SYT12: variants seen among roughly 807,000 people sequenced by gnomAD.
SYT12 encodes the protein synaptotagmin-12.
In SYT12, 27 loss-of-function variants were observed where a neutral mutation model predicts 39.5. The ratio of observed to expected loss-of-function variants is 0.68; its 90% CI spans 0.50 to 0.94. The LOEUF is 0.94. Ranked by LOEUF, SYT12 falls within the 40% of genes least tolerant of loss-of-function variation. The probability of loss-of-function intolerance (pLI) is 0.00; values close to 1 mark genes in which losing one functional copy is unlikely to be tolerated. For missense variants in SYT12, 536 were observed against 572.6 expected (o/e 0.94, Z 0.65); for synonymous variants, 233 against 239.7 (o/e 0.97, Z 0.26).
rs765400549 is a variant in SYT12 at position 67,044,664 on chromosome 11, C to T, written c.909C>T (p.Val303=). Residue 303 remains valine (V), a synonymous_variant, in exon 6 of 8, where the codon GTC becomes GTT. Coordinates refer to ENST00000527043, the MANE Select transcript of SYT12 (RefSeq NM_177963.4). ...CCACAGCCGAGCGCCTCACCGTGGT[C>T]GTGGTTAAGGCCAAGAACCTCATCT... ...YLPTAERLTV[V]VVKAKNLIWT... 21 of 1,613,720 alleles carry T rather than the reference C, an allele frequency of 1.3e-5. No individual in the cohort carries two copies. The highest frequency in any genetic ancestry group is 4.4e-5 in the South Asian group (4 of 91,044).
rs1339170451 is a variant in SYT12, at chr11:67,040,173, G to T, written c.591G>T (p.Leu197=). 5 of 1,589,204 alleles carry T rather than the reference G, an allele frequency of 3.1e-6. No individual in the cohort carries two copies. In the African/African-American group the frequency reaches 6.7e-5, roughly 21 times the overall value. The change falls in exon 4 of 8, where the codon CTG becomes CTT. Residue 197 remains leucine, a synonymous_variant. Transcript: ENST00000527043. The part of the protein sequence containing the change: ...FESCFMRVSL[L]PDEQIVGISR... ...CCTGCTTCATGCGCGTCAGCCTGCT[G>T]CCGGACGAGCAGATCGTGGGCATTT...
At position 67,034,748 on chromosome 11, in the gene SYT12, G is replaced by A. The variant is rs771212426; in HGVS notation, c.138G>A (p.Gly46=). The part of the protein sequence containing the change: ...AVSLWKLWTS[G]SFPSPSPFPN... ...GCCTGTGGAAGCTCTGGACGTCGGG[G>A]AGCTTCCCCAGCCCCTCTCCGTTCC... Residue 46 remains glycine (G), a synonymous_variant, in exon 3 of 8, where the codon GGG becomes GGA. Coordinates refer to ENST00000527043, the MANE Select transcript of SYT12 (RefSeq NM_177963.4). 27 of 1,603,326 alleles carry A rather than the reference G, an allele frequency of 1.7e-5. No homozygotes were observed. The South Asian group carries it at 2.6e-4, about 15-fold the overall frequency.
At chr11:67,033,268 C>CT (rs1322604173) in intron 2 of SYT12, among the ~76,000 whole-genome samples, 1 of 152,172 alleles carries the variant, frequency 6.6e-6, no homozygotes, top group Non-Finnish European at 1.5e-5. Context: ...CATATCTCAG[C>CT]TTACATGTCC....
intron 1 of SYT12, chr11:67,027,082 G>A (rs911786650): frequency 1.1e-4 from 17 of 152,204 alleles, no homozygotes; most frequent in African/African-American, 4.1e-4. Context: ...GTCAGAGCTG[G>A]GTGCAGCTGA....
Position 67,039,789 on chromosome 11 carries a change from C to T in SYT12, c.229-22C>T, listed in dbSNP as rs142278770. The stretch of plus-strand genomic sequence containing the variant: ...GCCTATGGCCCCCATGATGCTCCCA[C>T]GTCCCTCTTTCTCACCCCTAGAGAG... On this transcript the variant is annotated intron_variant, in intron 3 of 7. Transcript: ENST00000527043. 1.5e-4 allele frequency: 240 copies of T among 1,586,874 alleles called. 3 individuals are homozygous for T. The African/African-American group carries it at 2.7e-3, about 18-fold the overall frequency.
intron 1 of SYT12, among the ~76,000 whole-genome samples, chr11:67,024,825 C>T (rs1223392585): frequency 1.3e-5 from 2 of 152,292 alleles, no homozygotes; most frequent in East Asian, 3.9e-4. Flanking sequence ...GGCCCAACTC[C>T]CGACCCTTCC....
In SYT12 at chr11:67,012,954, G is replaced by T. The variant is rs891085454; in HGVS notation, c.-69+1960G>T. Among the ~76,000 whole-genome samples, 19 of 152,146 alleles carry T rather than the reference G, an allele frequency of 1.2e-4. No individual in the cohort carries two copies. The East Asian group carries it at 1.5e-3, about 12-fold the overall frequency. Reference sequence around the variant, plus strand: ...AAGAGAGAAGGCTTTTGAAACCTGGGGGGGGTCATCCTTTCCTTTGGGAGG... The same window carrying T: ...AAGAGAGAAGGCTTTTGAAACCTGGTGGGGGTCATCCTTTCCTTTGGGAGG... On this transcript the variant is annotated intron_variant, in intron 3 of 10. Transcript: ENST00000393946.
intron 7 of SYT12, among the ~76,000 whole-genome samples, chr11:67,048,033 C>T (rs1288198316): frequency 4.0e-5 from 6 of 149,156 alleles, no homozygotes; most frequent in African/African-American, 1.2e-4. Context: ...CCTCATGATC[C>T]GCCCGCCTCG....
chr11:67,032,651 C>A (rs1310033373), intron 2 of SYT12: 1 of 152,434 alleles, frequency 6.6e-6, no homozygotes, highest in Non-Finnish European at 1.5e-5. Context: ...CGCCTGTAAT[C>A]CCAGCACTTT....
In SYT12 at chr11:67,035,837, CCTTT is replaced by C. The variant is rs1157424282; in HGVS notation, c.228+1041_228+1044del. On this transcript the variant is annotated intron_variant, in intron 3 of 7. Coordinates refer to ENST00000527043, the MANE Select transcript of SYT12 (RefSeq NM_177963.4). The stretch of plus-strand genomic sequence containing the variant: ...TCCTTCCTTCCTTCCTTCCTTCCTT[CCTTT>C]CTTTCTTTCTTTCTTTCTTTCTTTC... 2.1e-3 allele frequency among the ~76,000 whole-genome samples: 231 copies of C among 111,068 alleles called. 3 individuals carry two copies. Among genetic ancestry groups the C allele is most frequent in the African/African-American group, 2.7e-3 (63 of 23,154 alleles). The allele number at this position is 111,068 out of a possible 152,430, so 72.9% of individuals were successfully genotyped here.
At chr11:67,025,401 G>A (rs147724905) in intron 1 of SYT12, among the ~76,000 whole-genome samples, 254 of 152,306 alleles carry the variant, frequency 1.7e-3, no homozygotes, top group African/African-American at 6.0e-3. Flanking sequence ...GAATTGGTCA[G>A]ATGGGGAGGG....
At chr11:67,040,431 C>T (rs1950489205) in intron 4 of SYT12, among the ~76,000 whole-genome samples, 1 of 152,158 alleles carries the variant, frequency 6.6e-6, no homozygotes, top group African/African-American at 2.4e-5. Flanking sequence ...AGCGGTCCCA[C>T]CAGGTGAATA....
At chr11:67,017,989 C>T (rs191414458) in intron 3 of SYT12, among the ~76,000 whole-genome samples, 43 of 150,484 alleles carry the variant, frequency 2.9e-4, no homozygotes, top group Admixed American at 1.6e-3. Flanking sequence ...AGGCCGGGCG[C>T]GGTGGCTCAC....
At chr11:67,043,594 G>A (rs995140636) in intron 4 of SYT12, 44 bp from the exon 5 acceptor site, 1 of 1,594,616 alleles carries the variant, frequency 6.3e-7, no homozygotes, top group Non-Finnish European at 8.6e-7. Context: ...CCCTGCTGTG[G>A]CCTCTCAGGC....
chr11:67,038,228 G>A (rs924463799), intron 3 of SYT12, among the ~76,000 whole-genome samples: 3 of 151,818 alleles, frequency 2.0e-5, no homozygotes, highest in African/African-American at 4.8e-5. Context: ...GTGCAGCGGC[G>A]CAATCTCAGC....
At chr11:67,011,824 G>A (rs926735995) in intron 3 of SYT12, among the ~76,000 whole-genome samples, 23 of 151,752 alleles carry the variant, frequency 1.5e-4, no homozygotes, top group African/African-American at 5.6e-4. Flanking sequence ...GGAGTGCAGT[G>A]GCACAATCTC....
chr11:67,035,799 T>TTCCC (rs1950358291), intron 3 of SYT12, among the ~76,000 whole-genome samples: 1 of 48,786 alleles, frequency 2.0e-5, no homozygotes, highest in Non-Finnish European at 3.8e-5. Flanking sequence ...CTTTCCTTCC[T>TTCCC]TCCTTCCTTC....
At chr11:67,014,301 G>A (rs1252900070) in intron 3 of SYT12, among the ~76,000 whole-genome samples, 2 of 151,562 alleles carry the variant, frequency 1.3e-5, no homozygotes, top group Non-Finnish European at 2.9e-5. Context: ...CAGGGAGGGT[G>A]TCCCTTCACC....
chr11:67,012,302 C>G (rs1029855559), intron 3 of SYT12, among the ~76,000 whole-genome samples: 3 of 151,938 alleles, frequency 2.0e-5, no homozygotes, highest in African/African-American at 7.2e-5. Context: ...ACCCGGGAGG[C>G]GGAGGTTGCA....
Sources: gnomAD v4.1 joint callset for allele counts (sites outside exome capture counted in the v4.1 genomes callset) on GRCh38, gnomAD v4.1.1 for gene constraint, MANE v1.5 for transcripts, NCBI Gene and HGNC (gene_info 2026-07-23, HGNC 2026-07-21) for gene names.